Variants in EMG1 observed in about 807,000 individuals in gnomAD.
EMG1 encodes the protein ribosomal RNA small subunit methyltransferase NEP1.
A neutral mutation model predicts 26.9 loss-of-function variants in EMG1; 24 were observed. That is an observed-to-expected ratio of 0.89 (90% CI 0.65 to 1.26). EMG1 has a LOEUF of 1.26. Ranked by LOEUF, EMG1 falls within the 50% of genes most tolerant of loss-of-function variation. The probability of loss-of-function intolerance (pLI) is 0.00; values close to 1 mark genes in which losing one functional copy is unlikely to be tolerated. For synonymous variants in EMG1, 140 were observed against 112.6 expected, an observed-to-expected ratio of 1.24 and a Z score of -1.54; for missense variants, 299 against 307.6, an observed-to-expected ratio of 0.97 and a Z score of 0.21.
At chr12:6,986,795 C>CA (rs1157395768) in intron 6 of EMG1, among the ~76,000 whole-genome samples, 3,621 of 32,852 alleles carry the variant, frequency 0.11, 214 homozygotes, top group East Asian at 0.19. Context: ...GACTCTGTCT[C>CA]AAAAAAAAAA....
In EMG1 at chr12:6,977,962, GT is replaced by G. The variant is rs1456115478; in HGVS notation, c.*2155del. 1.7e-6 allele frequency: 1 copy of G among 589,484 alleles called. No individual in the cohort carries two copies. Among genetic ancestry groups the G allele is most frequent in the Non-Finnish European group, 3.0e-6 (1 of 335,284 alleles). 36.5% of individuals were successfully genotyped at this position (589,484 alleles called of 1,614,324 possible). ...AGACCGTGTGCGCACGAGCCACTTG[GT>G]TCAGCAGCAGTGACTGAGGCTGATG... is the stretch of plus-strand genomic sequence containing the variant. On this transcript the variant is annotated 3_prime_UTR_variant, in exon 6 of 6. Transcript: ENST00000599672. The surrounding 1 kb of genome is among the most constrained non-coding windows in gnomAD (Gnocchi z 4.5).
At chr12:6,975,611 C>G (rs2138323234) in intron 5 of EMG1, 85 bp from the exon 6 acceptor site, 1 of 1,045,276 alleles carries the variant, frequency 9.6e-7, no homozygotes, top group East Asian at 2.4e-5. Context: ...GAAATACTAG[C>G]TCAGCCATAG....
At chr12:6,988,019 C>G (rs991967161) in intron 7 of EMG1, 31 of 389,526 alleles carry the variant, frequency 8.0e-5, no homozygotes, top group Non-Finnish European at 1.1e-4. Flanking sequence ...TTACGGCAGG[C>G]CTTAGAAACC....
At position 6,975,072 on chromosome 12, in the gene EMG1, CT is replaced by C. The variant is rs782039108; in HGVS notation, c.413-12del. 2 of 1,613,660 alleles carry C rather than the reference CT, an allele frequency of 1.2e-6. No homozygotes were observed. The highest frequency in any genetic ancestry group is 1.7e-6 in the Non-Finnish European group (2 of 1,179,588). On this transcript the variant is annotated splice_polypyrimidine_tract_variant and intron_variant, in intron 3 of 5. Transcript: ENST00000599672. Reference sequence around the variant, plus strand: ...TGTGGTCTCCATCTAGCTCTGAACTCTTTTTTCCCCCTTCTAGTTCAACTTT... The same window carrying C: ...TGTGGTCTCCATCTAGCTCTGAACTCTTTTTCCCCCTTCTAGTTCAACTTT...
chr12:6,979,854 T>C lies in EMG1; in HGVS notation c.*4045T>C. ...GTTTACCCCTCAGGGATGCTACTGA[T>C]CTCAAGGTCTTGCCAGGTCTCACAA... On this transcript the variant is annotated 3_prime_UTR_variant, in exon 6 of 6. Transcript: ENST00000599672. The C allele has an allele frequency of 2.4e-6, 1 of 412,050 alleles. No individual in the cohort carries two copies. Among genetic ancestry groups the C allele is most frequent in the Admixed American group, 4.0e-5 (1 of 24,988 alleles). 25.5% of individuals were successfully genotyped at this position (412,050 alleles called of 1,614,324 possible).
Position 6,977,872 on chromosome 12 carries a change from G to A in EMG1, c.*2063G>A. The stretch of plus-strand genomic sequence containing the variant: ...TGGGTTCCCACGTGTAGCCCCCAGA[G>A]GGTACAGGAGGCAGTGCTGACTGAT... On this transcript the variant is annotated 3_prime_UTR_variant, in exon 6 of 6. Transcript: ENST00000599672. This position sits in a 1 kb window ranked among gnomAD's most constrained non-coding sequence, Gnocchi z 4.5. The A allele has an allele frequency of 9.3e-7, 1 of 1,077,776 alleles. No individual in the cohort carries two copies. The highest frequency in any genetic ancestry group is 1.4e-6 in the Non-Finnish European group (1 of 727,704). 66.8% of individuals were successfully genotyped at this position (1,077,776 alleles called of 1,614,324 possible).
chr12:6,986,752 G>C (rs1383611141), intron 6 of EMG1, among the ~76,000 whole-genome samples: 2 of 138,050 alleles, frequency 1.4e-5, no homozygotes, highest in Non-Finnish European at 3.0e-5. Flanking sequence ...TGAGCAGAGA[G>C]AGCCACTGCA....
downstream of EMG1, chr12:6,988,345 G>A (rs75971893): frequency 0.023 from 3,529 of 152,402 alleles, 43 homozygotes; most frequent in Middle Eastern, 0.095. Flanking sequence ...GCAAGCCGCC[G>A]TGGAGAAGGA....
chr12:6,984,115 TG>T (rs2138335514), downstream of EMG1, among the ~76,000 whole-genome samples: 1 of 152,232 alleles, frequency 6.6e-6, no homozygotes, highest in East Asian at 1.9e-4. Flanking sequence ...GGCTAAATAC[TG>T]GAATTGCTGA....
Position 6,978,348 on chromosome 12 carries a change from C to G in EMG1, c.*2539C>G, listed in dbSNP as rs372779694. On this transcript the variant is annotated 3_prime_UTR_variant, in exon 6 of 6. Coordinates refer to ENST00000599672, the MANE Select transcript of EMG1 (RefSeq NM_006331.8). ...TCCCCACCAGCAGCTCACCGGGCCA[C>G]CCAGGCGTTGGTGTTGATGTTGAAT... 2.5e-6 allele frequency: 4 copies of G among 1,608,690 alleles called. No homozygotes were observed. Among genetic ancestry groups the G allele is most frequent in the East Asian group, 2.2e-5 (1 of 44,824 alleles).
At chr12:6,994,424 T>C (rs1200563897) in intron 7 of EMG1, among the ~76,000 whole-genome samples, 1 of 152,182 alleles carries the variant, frequency 6.6e-6, no homozygotes, top group Non-Finnish European at 1.5e-5. Flanking sequence ...GCCAGGCTAG[T>C]CTCGAACTCC....
chr12:6,982,738 G>A (rs143225893), downstream of EMG1: 3,425 of 1,614,030 alleles, frequency 2.1e-3, 64 homozygotes, highest in South Asian at 0.026. Flanking sequence ...CGAAGGATGA[G>A]GAACTGAAGC....
At chr12:6,991,292 A>G (rs1214014539), downstream of EMG1, among the ~76,000 whole-genome samples, 3 of 152,242 alleles carry the variant, frequency 2.0e-5, no homozygotes, top group Admixed American at 6.5e-5. Flanking sequence ...CTTTAGCGCT[A>G]CATCAAAACT....
chr12:6,979,405 G>T lies in EMG1; in HGVS notation c.*3596G>T. On this transcript the variant is annotated 3_prime_UTR_variant, in exon 6 of 6. Transcript: ENST00000599672. ...TTCCTACTTCTCTGCTATCTGTAGG[G>T]ATCCTTGCCTGTCCATTTTCTAGCT... 1 of 1,190,732 alleles carries T rather than the reference G, an allele frequency of 8.4e-7. No individual in the cohort carries two copies. Among genetic ancestry groups the T allele is most frequent in the Non-Finnish European group, 1.3e-6 (1 of 797,956 alleles). 73.8% of individuals were successfully genotyped at this position (1,190,732 alleles called of 1,614,324 possible).
At chr12:6,984,010 C>T (rs375514660), downstream of EMG1, among the ~76,000 whole-genome samples, 17 of 152,252 alleles carry the variant, frequency 1.1e-4, no homozygotes, top group East Asian at 2.7e-3. Context: ...TTTGAGCGTA[C>T]CCATCTATGC....
In EMG1 at chr12:6,979,344, T is replaced by C. The variant is rs782794744; in HGVS notation, c.*3535T>C. On this transcript the variant is annotated 3_prime_UTR_variant, in exon 6 of 6. Coordinates refer to ENST00000599672, the MANE Select transcript of EMG1 (RefSeq NM_006331.8). ...ACGGCTGGCATTGACAACTCACAGATCTAGAGCAAAACCAACATGCACTTG... is the reference window on the plus strand; with the variant it reads ...ACGGCTGGCATTGACAACTCACAGACCTAGAGCAAAACCAACATGCACTTG... 8 of 716,728 alleles carry C rather than the reference T, an allele frequency of 1.1e-5. No individual in the cohort carries two copies. The African/African-American group carries it at 1.4e-4, about 13-fold the overall frequency. The allele number at this position is 716,728 out of a possible 1,614,324, so 44.4% of individuals were successfully genotyped here.
At chr12:6,983,592 G>T, downstream of EMG1, 1 of 1,204,702 alleles carries the variant, frequency 8.3e-7, no homozygotes, top group Non-Finnish European at 1.2e-6. Flanking sequence ...TGCCATCCCA[G>T]TTTGGTTTGG....
chr12:6,995,251 G>A (rs782109849), intron 7 of EMG1, among the ~76,000 whole-genome samples: 1 of 151,878 alleles, frequency 6.6e-6, no homozygotes, highest in Admixed American at 6.6e-5. Flanking sequence ...CAAGGCAGGC[G>A]GATCACCAGG....
At chr12:6,991,251 G>C (rs1485181516), downstream of EMG1, among the ~76,000 whole-genome samples, 1 of 152,166 alleles carries the variant, frequency 6.6e-6, no homozygotes, top group Non-Finnish European at 1.5e-5. Context: ...GACAGAGAAA[G>C]TATCTGCATT....
Sources: gnomAD v4.1 joint callset for allele counts (sites outside exome capture counted in the v4.1 genomes callset) on GRCh38, gnomAD v4.1.1 for gene constraint, Gnocchi (gnomAD v3.1) non-coding constraint, MANE v1.5 for transcripts, NCBI Gene and HGNC (gene_info 2026-07-23, HGNC 2026-07-21) for gene names.